Variants in DNM3 observed in about 807,000 individuals in gnomAD.
DNM3 encodes the protein dynamin 3, also known as dynamin-3.
DNM3 carries 47 observed loss-of-function variants against 101.6 expected under a neutral mutation model. The ratio of observed to expected loss-of-function variants is 0.46; its 90% CI spans 0.37 to 0.59. DNM3 has a LOEUF of 0.59. Among genes scored for constraint, DNM3 ranks in the 20% least tolerant of loss-of-function variants. The pLI, the probability that DNM3 is intolerant of heterozygous loss-of-function variation, is 0.00. For missense variants in DNM3, 849 were observed against 1,085.7 expected (o/e 0.78, Z 3.06); for synonymous variants, 385 against 387.9 (o/e 0.99, Z 0.09).
rs767371544 is a variant in DNM3 at position 172,131,307 on chromosome 1, T to C, written c.1659+19T>C. The C allele has an allele frequency of 1.9e-6, 3 of 1,601,122 alleles. No homozygotes were observed. The highest frequency in any genetic ancestry group is 2.6e-6 in the Non-Finnish European group (3 of 1,169,306). ...TGATGAGGTAAGTCACAGAGAGTGATAAAGTTTTCTTGTTAAAGTATTTCT... is the reference window on the plus strand; with the variant it reads ...TGATGAGGTAAGTCACAGAGAGTGACAAAGTTTTCTTGTTAAAGTATTTCT... On this transcript the variant is annotated intron_variant, in intron 14 of 20. Coordinates refer to ENST00000627582, the MANE Select transcript of DNM3 (RefSeq NM_015569.5).
chr1:172,310,087 G>A (rs1212621451), intron 16 of DNM3: 1 of 152,142 alleles, frequency 6.6e-6, no homozygotes, highest in Non-Finnish European at 1.5e-5. Context: ...AATTGTTGTC[G>A]AGTTGTTCTC....
intron 14 of DNM3, among the ~76,000 whole-genome samples, chr1:172,166,098 T>C (rs1202721485): frequency 1.3e-5 from 2 of 152,006 alleles, no homozygotes; most frequent in Admixed American, 1.3e-4. Flanking sequence ...ACCATATGGT[T>C]TGTGGAGTAT....
At chr1:171,981,312 A>T (rs560650887) in intron 2 of DNM3, among the ~76,000 whole-genome samples, 1 of 152,232 alleles carries the variant, frequency 6.6e-6, no homozygotes, top group Admixed American at 6.5e-5. Context: ...AGAAAACTCC[A>T]GTTAAAATTT....
chr1:172,049,820 A>G (rs1035014713), intron 10 of DNM3, among the ~76,000 whole-genome samples: 1 of 152,146 alleles, frequency 6.6e-6, no homozygotes, highest in African/African-American at 2.4e-5. Flanking sequence ...GAGAATGAAT[A>G]TGAATATTAG....
In DNM3 at chr1:172,412,530, T is replaced by C; in HGVS notation, c.*4689T>C. The C allele has an allele frequency of 3.0e-6, 3 of 985,734 alleles. No homozygotes were observed. Among genetic ancestry groups the C allele is most frequent in the Non-Finnish European group, 3.6e-6 (3 of 829,840 alleles). 61.1% of individuals were successfully genotyped at this position (985,734 alleles called of 1,614,324 possible). On this transcript the variant is annotated 3_prime_UTR_variant, in exon 21 of 21. Coordinates refer to ENST00000627582, the MANE Select transcript of DNM3 (RefSeq NM_015569.5). Reference sequence around the variant, plus strand: ...TTCTCTGCTGATTCTTTAATTAATATGAGCCGGATACTTTCCACTGTCTTC... The same window carrying C: ...TTCTCTGCTGATTCTTTAATTAATACGAGCCGGATACTTTCCACTGTCTTC...
At chr1:172,289,089 C>G (rs544084242) in intron 15 of DNM3, among the ~76,000 whole-genome samples, 1 of 152,062 alleles carries the variant, frequency 6.6e-6, no homozygotes, top group African/African-American at 2.4e-5. Context: ...CCAGGAGAAG[C>G]TCAAGGGGGA....
intron 10 of DNM3, among the ~76,000 whole-genome samples, chr1:172,061,513 C>A (rs12117174): frequency 0.34 from 51,498 of 150,246 alleles, 9,677 homozygotes; most frequent in East Asian, 0.68. Context: ...GAATACTATG[C>A]AGCCATAAAA....
At chr1:172,303,673 C>T (rs1369244349) in intron 15 of DNM3, among the ~76,000 whole-genome samples, 25 of 152,150 alleles carry the variant, frequency 1.6e-4, no homozygotes, top group Admixed American at 1.6e-3. Context: ...AGACTAACAG[C>T]GGATCTCTCA....
chr1:172,111,881 C>T (rs1255536973), intron 13 of DNM3, among the ~76,000 whole-genome samples: 1 of 151,690 alleles, frequency 6.6e-6, no homozygotes, highest in Non-Finnish European at 1.5e-5. Context: ...AATTATAAAA[C>T]TTCATTGACT....
intron 14 of DNM3, among the ~76,000 whole-genome samples, chr1:172,200,824 A>G (rs1478473811): frequency 6.6e-6 from 1 of 151,748 alleles, no homozygotes; most frequent in Non-Finnish European, 1.5e-5. Flanking sequence ...ATTTTCTTGG[A>G]TCGGGTTTTG....
At chr1:172,149,899 A>G (rs186298728) in intron 14 of DNM3, among the ~76,000 whole-genome samples, 1 of 152,252 alleles carries the variant, frequency 6.6e-6, no homozygotes, top group Admixed American at 6.5e-5. Flanking sequence ...GCTACAAGGA[A>G]GCATGTGTGT....
intron 18 of DNM3, among the ~76,000 whole-genome samples, chr1:172,382,808 C>T (rs991646340): frequency 5.3e-5 from 8 of 152,130 alleles, no homozygotes; most frequent in South Asian, 2.1e-4. Context: ...AGAATGTAAA[C>T]GTTCTTAGGA....
At chr1:171,944,518 C>T (rs943086336) in intron 2 of DNM3, among the ~76,000 whole-genome samples, 2 of 151,792 alleles carry the variant, frequency 1.3e-5, no homozygotes, top group East Asian at 1.9e-4. Flanking sequence ...GGACCACAAG[C>T]GTGTGCCATC....
chr1:172,201,895 C>T (rs1465238770), intron 14 of DNM3, among the ~76,000 whole-genome samples: 1 of 152,172 alleles, frequency 6.6e-6, no homozygotes, highest in African/African-American at 2.4e-5. Context: ...GCTGCTGTGG[C>T]ATGCTTTGGT....
At chr1:172,418,317 AC>A (rs766531233) in exon 21 of DNM3, 69 of 1,288,700 alleles carry the variant, frequency 5.4e-5, no homozygotes, top group Non-Finnish European at 6.3e-5. Flanking sequence ...GACCATCCTA[AC>A]CCCCATCATT....
intron 12 of DNM3, among the ~76,000 whole-genome samples, chr1:172,086,689 T>C (rs1186118425): frequency 6.6e-6 from 1 of 152,168 alleles, no homozygotes; most frequent in Non-Finnish European, 1.5e-5. Flanking sequence ...GGTCCTACTT[T>C]ATTGACAGCT....
intron 14 of DNM3, among the ~76,000 whole-genome samples, chr1:172,190,607 G>A (rs1012319721): frequency 1.3e-5 from 2 of 152,152 alleles, no homozygotes; most frequent in African/African-American, 4.8e-5. Context: ...TTCCACAATG[G>A]TTAAACTAGT....
intron 1 of DNM3, among the ~76,000 whole-genome samples, chr1:171,852,807 C>T (rs887512177): frequency 6.6e-6 from 1 of 152,162 alleles, no homozygotes; most frequent in African/African-American, 2.4e-5. Context: ...AGTGTAGAGA[C>T]TGGCGATTGA....
intron 14 of DNM3, among the ~76,000 whole-genome samples, chr1:172,250,273 C>T (rs1010288642): frequency 1.3e-5 from 2 of 151,982 alleles, no homozygotes; most frequent in Non-Finnish European, 2.9e-5. Flanking sequence ...TGTTAGGGAA[C>T]TATTGAAGGA....
Sources: allele counts gnomAD v4.1 joint callset (sites outside exome capture counted in the v4.1 genomes callset), GRCh38; gene constraint gnomAD v4.1.1; transcripts MANE v1.5; gene names NCBI Gene and HGNC (gene_info 2026-07-23, HGNC 2026-07-21).